The following CDC14B variants were observed in gnomAD, a reference collection of about 807,000 sequenced individuals.
The protein encoded by CDC14B is dual specificity protein phosphatase CDC14B.
Under a neutral mutation model 64.2 loss-of-function variants are expected in CDC14B, and 22 were observed. The ratio of observed to expected loss-of-function variants is 0.34; its 90% CI spans 0.24 to 0.49. The LOEUF is 0.49. Ranked by LOEUF, CDC14B falls within the 20% of genes least tolerant of loss-of-function variation. CDC14B has a pLI of 0.99. For synonymous variants in CDC14B, 191 were observed against 215.8 expected (o/e 0.89, Z 1.01); for missense variants, 498 against 629.9 (o/e 0.79, Z 2.24).
chr9:96,614,175 C>A (rs1177569273), intron 1 of CDC14B, among the ~76,000 whole-genome samples: 1 of 151,996 alleles, frequency 6.6e-6, no homozygotes, highest in Non-Finnish European at 1.5e-5. Flanking sequence ...TAACACAAAC[C>A]ACCAAGAATC....
intron 4 of CDC14B, among the ~76,000 whole-genome samples, chr9:96,559,545 G>GTGT (rs975883779): frequency 1.6e-4 from 25 of 152,200 alleles, no homozygotes. Flanking sequence ...TTGCTTTGAT[G>GTGT]TGTTATCTTT....
Position 96,508,585 on chromosome 9 carries a change from G to A in CDC14B, c.1460+1088C>T, listed in dbSNP as rs1396640061. ...TTCTAATGAAAAATTTTAAATCCTG[G>A]AATCATGAGTCAGTGCCTGACAGTC... On this transcript the variant is annotated intron_variant, in intron 13 of 13. Transcript: ENST00000375241. Among the ~76,000 whole-genome samples, 5 of 152,172 alleles carry A rather than the reference G, an allele frequency of 3.3e-5. No individual in the cohort carries two copies. In the South Asian group the frequency reaches 1.0e-3, roughly 31 times the overall value.
intron 9 of CDC14B, among the ~76,000 whole-genome samples, chr9:96,530,490 G>A (rs1482472868): frequency 6.7e-6 from 1 of 149,092 alleles, no homozygotes; most frequent in Non-Finnish European, 1.5e-5. Flanking sequence ...GTGTTGCCCA[G>A]GCTGGTCTCA....
intron 3 of CDC14B, among the ~76,000 whole-genome samples, chr9:96,564,570 C>T (rs755823693): frequency 2.6e-5 from 4 of 152,122 alleles, no homozygotes; most frequent in East Asian, 1.9e-4. Flanking sequence ...TAGAACCAAA[C>T]GACCCAAACT....
At chr9:96,579,744 A>T (rs1219609866) in intron 1 of CDC14B, among the ~76,000 whole-genome samples, 1 of 152,164 alleles carries the variant, frequency 6.6e-6, no homozygotes, top group African/African-American at 2.4e-5. Flanking sequence ...GGCCTTCCTA[A>T]GCTCCAGAAT....
chr9:96,543,230 G>T (rs908737528), intron 5 of CDC14B, among the ~76,000 whole-genome samples: 1 of 151,984 alleles, frequency 6.6e-6, no homozygotes, highest in Non-Finnish European at 1.5e-5. Context: ...CAGCTACTCC[G>T]AGGCTGAGGC....
intron 1 of CDC14B, chr9:96,566,657 G>C (rs1844005166): frequency 9.6e-7 from 1 of 1,041,700 alleles, no homozygotes; most frequent in Non-Finnish European, 1.4e-6. Context: ...ACACGCAGGA[G>C]ACAAGGGCGG....
At chr9:96,603,453 G>A (rs1295749531) in intron 1 of CDC14B, among the ~76,000 whole-genome samples, 1 of 152,170 alleles carries the variant, frequency 6.6e-6, no homozygotes, top group Non-Finnish European at 1.5e-5. Flanking sequence ...GCCTAACCAA[G>A]GGCCAGGCAT....
intron 1 of CDC14B, among the ~76,000 whole-genome samples, chr9:96,591,219 G>C (rs1845775394): frequency 6.6e-6 from 1 of 152,104 alleles, no homozygotes; most frequent in Non-Finnish European, 1.5e-5. Context: ...TTTTGTCTAA[G>C]ACTTTTATAG....
intron 1 of CDC14B, among the ~76,000 whole-genome samples, chr9:96,610,840 C>G (rs1388096430): frequency 6.6e-6 from 1 of 152,094 alleles, no homozygotes; most frequent in Non-Finnish European, 1.5e-5. Context: ...TCAGTATTAA[C>G]TATCACAGAA....
intron 4 of CDC14B, among the ~76,000 whole-genome samples, chr9:96,559,210 C>T (rs1182841154): frequency 6.6e-6 from 1 of 152,184 alleles, no homozygotes; most frequent in Non-Finnish European, 1.5e-5. Flanking sequence ...TCTGCCCAAC[C>T]CACATTAGGT....
chr9:96,603,191 C>CAT (rs1190965928), intron 1 of CDC14B, among the ~76,000 whole-genome samples: 30 of 150,568 alleles, frequency 2.0e-4, no homozygotes, highest in African/African-American at 6.1e-4. Context: ...CACACACACA[C>CAT]AAATACACAA....
At chr9:96,520,659 T>C (rs1170503679) in intron 12 of CDC14B, among the ~76,000 whole-genome samples, 3 of 152,334 alleles carry the variant, frequency 2.0e-5, no homozygotes, top group African/African-American at 7.2e-5. Flanking sequence ...TATTAAAACA[T>C]AAACTGATGA....
Position 96,562,745 on chromosome 9 carries a change from C to A in CDC14B, c.368G>T (p.Gly123Val). The change falls in exon 4 of 14, where the codon GGC (glycine) becomes GTC (valine). Residue 123 changes from glycine to valine, a missense_variant. Coordinates refer to ENST00000375241, the MANE Select transcript of CDC14B (RefSeq NM_033331.4). ...MLRKKIVHFT[G>V]SDQRKQANAA... Reference sequence around the variant, plus strand: ...ATTTGCTTGTTTTCTCTGATCAGAGCCAGTAAAATGAACAATTTTCTTCCT... The same window carrying A: ...ATTTGCTTGTTTTCTCTGATCAGAGACAGTAAAATGAACAATTTTCTTCCT... The A allele has an allele frequency of 6.2e-7, 1 of 1,611,408 alleles. No individual in the cohort carries two copies. The highest frequency in any genetic ancestry group is 8.5e-7 in the Non-Finnish European group (1 of 1,177,650).
intron 1 of CDC14B, among the ~76,000 whole-genome samples, chr9:96,574,397 T>C (rs576724803): frequency 2.0e-4 from 30 of 152,166 alleles, no homozygotes; most frequent in Non-Finnish European, 4.0e-4. Context: ...ATTTGATCCC[T>C]ATCTCATACC....
At chr9:96,524,430 G>T (rs762376377) in intron 9 of CDC14B, among the ~76,000 whole-genome samples, 1 of 152,142 alleles carries the variant, frequency 6.6e-6, no homozygotes, top group African/African-American at 2.4e-5. Context: ...AAAACCAAAG[G>T]CTTGTAATTT....
At chr9:96,519,111 G>A (rs1201171430) in intron 12 of CDC14B, among the ~76,000 whole-genome samples, 1 of 151,914 alleles carries the variant, frequency 6.6e-6, no homozygotes, top group Admixed American at 6.6e-5. Context: ...ACTCCAGCCT[G>A]GGCGACAGGG....
At chr9:96,614,044 C>T (rs1215646351) in intron 1 of CDC14B, among the ~76,000 whole-genome samples, 3 of 152,030 alleles carry the variant, frequency 2.0e-5, no homozygotes, top group East Asian at 1.9e-4. Flanking sequence ...TTTAAAATGG[C>T]AATCCTGACC....
chr9:96,496,397 A>G, downstream of CDC14B: 1 of 479,468 alleles, frequency 2.1e-6, no homozygotes, highest in Middle Eastern at 3.2e-4. Context: ...TGTACTTACC[A>G]CCACCACCAC....
Sources: allele counts gnomAD v4.1 joint callset (sites outside exome capture counted in the v4.1 genomes callset), GRCh38; gene constraint gnomAD v4.1.1; transcripts MANE v1.5; gene names NCBI Gene and HGNC (gene_info 2026-07-23, HGNC 2026-07-21).